The following SUMF1 variants were observed in gnomAD, a reference collection of about 807,000 sequenced individuals.
SUMF1 encodes formylglycine-generating enzyme.
A neutral mutation model predicts 47.6 loss-of-function variants in SUMF1; 48 were observed. The ratio of observed to expected loss-of-function variants is 1.01; its 90% CI spans 0.80 to 1.28. SUMF1 has a LOEUF of 1.28. SUMF1 is among the 50% of genes most tolerant of loss of function. The probability of loss-of-function intolerance (pLI) is 0.00; values close to 1 mark genes in which losing one functional copy is unlikely to be tolerated. For missense variants in SUMF1, 571 were observed against 485.4 expected (o/e 1.18, Z -1.66); for synonymous variants, 230 against 192.1 (o/e 1.20, Z -1.63).
intron 3 of SUMF1, among the ~76,000 whole-genome samples, chr3:4,448,996 C>T (rs1702876637): frequency 6.6e-6 from 1 of 152,210 alleles, no homozygotes; most frequent in African/African-American, 2.4e-5. Flanking sequence ...CTGGAGCCTA[C>T]TGAGCTCTAC....
At chr3:4,253,961 C>G (rs1422137049) in intron 8 of SUMF1, among the ~76,000 whole-genome samples, 4 of 150,750 alleles carry the variant, frequency 2.7e-5, no homozygotes, top group Admixed American at 1.3e-4. Flanking sequence ...GACCCCTGAC[C>G]CCCGAGCAGC....
chr3:4,389,641 C>T (rs1700789545), intron 7 of SUMF1, among the ~76,000 whole-genome samples: 1 of 152,146 alleles, frequency 6.6e-6, no homozygotes, highest in Non-Finnish European at 1.5e-5. Context: ...TGGCTCTCAA[C>T]ATTTCTTCAT....
chr3:4,228,032 C>T (rs1453287953), intron 8 of SUMF1, among the ~76,000 whole-genome samples: 5 of 151,898 alleles, frequency 3.3e-5, no homozygotes, highest in Non-Finnish European at 7.4e-5. Flanking sequence ...TATGCAAAGG[C>T]CCTGCAATGG....
At chr3:4,456,722 A>T in intron 1 of SUMF1, among the ~76,000 whole-genome samples, 1 of 130,064 alleles carries the variant, frequency 7.7e-6, no homozygotes, top group Non-Finnish European at 1.6e-5. Context: ...ATATACATAT[A>T]TATACGTGTG....
chr3:4,466,858 G>T (rs751487628), intron 1 of SUMF1, 118 bp downstream of exon 1: 98 of 1,443,838 alleles, frequency 6.8e-5, no homozygotes, highest in Non-Finnish European at 8.3e-5. Flanking sequence ...GCAGGTGCTC[G>T]ATTTGGGGTG....
intron 8 of SUMF1, among the ~76,000 whole-genome samples, chr3:4,227,267 A>G (rs567097213): frequency 6.6e-6 from 1 of 152,244 alleles, no homozygotes; most frequent in South Asian, 2.1e-4. Context: ...AGCTCCTACT[A>G]TGTGCCTGCA....
intron 7 of SUMF1, among the ~76,000 whole-genome samples, chr3:4,391,261 TTTTTGC>T (rs1301316033): frequency 2.9e-4 from 44 of 151,658 alleles, no homozygotes; most frequent in African/African-American, 9.8e-4. Context: ...TTTGTTTTTG[TTTTTGC>T]AGTTTATCCT....
chr3:4,218,473 T>C (rs758997438), intron 8 of SUMF1, among the ~76,000 whole-genome samples: 2 of 137,398 alleles, frequency 1.5e-5, no homozygotes, highest in Non-Finnish European at 3.3e-5. Flanking sequence ...GGACAAGCAG[T>C]ATAAGGAAGA....
At chr3:4,052,595 T>C (rs1267837160) in intron 9 of SUMF1, among the ~76,000 whole-genome samples, 2 of 152,172 alleles carry the variant, frequency 1.3e-5, no homozygotes, top group Non-Finnish European at 2.9e-5. Flanking sequence ...CCGGACTATG[T>C]GCTAATAAGT....
chr3:4,303,393 C>T lies in SUMF1; in HGVS notation c.1014+72937G>A. 6.4e-7 allele frequency: 1 copy of T among 1,559,070 alleles called. No homozygotes were observed. Among genetic ancestry groups the T allele is most frequent in the Non-Finnish European group, 8.6e-7 (1 of 1,156,314 alleles). On this transcript the variant is annotated intron_variant and NMD_transcript_variant, in intron 8 of 12. Coordinates refer to the SUMF1 transcript ENST00000448413. ...TAAATGTTCGCGGAAGCGGCAAAGA[C>T]GACACGGCCTTGTGGGATGGCGGAG...
intron 8 of SUMF1, among the ~76,000 whole-genome samples, chr3:4,144,417 T>C (rs1238212862): frequency 2.0e-5 from 3 of 152,086 alleles, no homozygotes; most frequent in African/African-American, 7.2e-5. Context: ...ATGTGAAGCA[T>C]GGGAGCTTTG....
chr3:4,259,885 AT>A (rs35243776), intron 8 of SUMF1, among the ~76,000 whole-genome samples: 56,382 of 151,752 alleles, frequency 0.37, 11,200 homozygotes, highest in Non-Finnish European at 0.45. Context: ...ATTTGTTTAA[AT>A]TTTTTTTTAA....
chr3:4,316,337 C>G, intron 8 of SUMF1: 1 of 1,426,972 alleles, frequency 7.0e-7, no homozygotes, highest in Non-Finnish European at 9.6e-7. Context: ...GAACTGCTAA[C>G]GAACGTACAG....
Position 4,442,046 on chromosome 3 carries a change from G to C in SUMF1, c.519+7220C>G, listed in dbSNP as rs189219052. Reference sequence around the variant, plus strand: ...GTGTCTGTGGCTGGGCAGTGGTTGGGCAGGAGAAAGAAAAGAAAGCAACAG... The same window carrying C: ...GTGTCTGTGGCTGGGCAGTGGTTGGCCAGGAGAAAGAAAAGAAAGCAACAG... On this transcript the variant is annotated intron_variant, in intron 3 of 8. Transcript: ENST00000272902. 3.7e-4 allele frequency among the ~76,000 whole-genome samples: 57 copies of C among 152,266 alleles called. 1 individual carries two copies. Among genetic ancestry groups the C allele is most frequent in the African/African-American group, 1.3e-3 (54 of 41,550 alleles).
rs977237565 is a variant in SUMF1 at position 4,405,452 on chromosome 3, T to C, written c.954+5413A>G. 2.6e-5 allele frequency among the ~76,000 whole-genome samples: 4 copies of C among 152,318 alleles called. No individual in the cohort carries two copies. The East Asian group carries it at 7.7e-4, about 29-fold the overall frequency. On this transcript the variant is annotated intron_variant, in intron 7 of 8. Coordinates refer to ENST00000272902, the MANE Select transcript of SUMF1 (RefSeq NM_182760.4). ...CCAAGGCTAGAGGGCAGTGGTGTGA[T>C]CTCAGCTCACTGCAACCTCTGCCTC...
intron 8 of SUMF1, among the ~76,000 whole-genome samples, chr3:4,173,909 A>T (rs1225734068): frequency 6.6e-6 from 1 of 152,168 alleles, no homozygotes; most frequent in East Asian, 1.9e-4. Context: ...GGATAACATT[A>T]GGAGAAATAC....
intron 8 of SUMF1, among the ~76,000 whole-genome samples, chr3:4,298,544 T>C (rs1421132346): frequency 6.6e-6 from 1 of 152,194 alleles, no homozygotes; most frequent in African/African-American, 2.4e-5. Context: ...TAGCAGACAG[T>C]ATTACCAAGA....
In SUMF1 at chr3:4,467,251, C is replaced by G. The variant is rs1484051779; in HGVS notation, c.-6G>C. ...CCTAGTGCGGGCGCAGCCATGTTGT[C>G]CCGCGGGCCATGTGACCCGGTTGGT... On this transcript the variant is annotated 5_prime_UTR_variant, in exon 1 of 9. Coordinates refer to ENST00000272902, the MANE Select transcript of SUMF1 (RefSeq NM_182760.4). The G allele has an allele frequency of 6.2e-7, 1 of 1,606,524 alleles. No homozygotes were observed. The highest frequency in any genetic ancestry group is 2.2e-5 in the East Asian group (1 of 44,504).
intron 8 of SUMF1, among the ~76,000 whole-genome samples, chr3:4,296,179 G>T (rs1559206743): frequency 6.6e-6 from 1 of 151,282 alleles, no homozygotes; most frequent in South Asian, 2.1e-4. Flanking sequence ...CATTATTACT[G>T]TATTATTATC....
Sources: gnomAD v4.1 joint callset for allele counts (sites outside exome capture counted in the v4.1 genomes callset) on GRCh38, gnomAD v4.1.1 for gene constraint, MANE v1.5 for transcripts, NCBI Gene and HGNC (gene_info 2026-07-23, HGNC 2026-07-21) for gene names.